RMST: variants seen among roughly 807,000 people sequenced by gnomAD.
The protein encoded by RMST is rhabdomyosarcoma 2 associated transcript.
At chr12:97,551,035 G>T (rs1214452337) in intron 11 of RMST, among the ~76,000 whole-genome samples, 1 of 152,004 alleles carries the variant, frequency 6.6e-6, no homozygotes, top group Non-Finnish European at 1.5e-5. Flanking sequence ...AAATTACTCA[G>T]ATTGGACCTT....
chr12:97,512,225 G>C (rs1388353145), intron 10 of RMST, among the ~76,000 whole-genome samples: 1 of 152,144 alleles, frequency 6.6e-6, no homozygotes, highest in Non-Finnish European at 1.5e-5. Flanking sequence ...CCTCCCGGTG[G>C]GTTCATGGTC....
intron 11 of RMST, among the ~76,000 whole-genome samples, chr12:97,535,510 G>A (rs1476791834): frequency 1.3e-5 from 2 of 151,558 alleles, no homozygotes; most frequent in African/African-American, 4.8e-5. Context: ...ATCCAGTGAG[G>A]TGAGCCTATG....
At chr12:97,538,727 G>A (rs1377789669) in intron 11 of RMST, among the ~76,000 whole-genome samples, 4 of 151,402 alleles carry the variant, frequency 2.6e-5, no homozygotes, top group Non-Finnish European at 4.4e-5. Context: ...TTAGGTTTAA[G>A]TGAGAATCAT....
intron 5 of RMST, among the ~76,000 whole-genome samples, chr12:97,484,280 T>G (rs1875814695): frequency 6.6e-6 from 1 of 152,170 alleles, no homozygotes; most frequent in African/African-American, 2.4e-5. Context: ...ATATGCAGAT[T>G]TATTTATTTC....
At chr12:97,559,822 A>G (rs902114623) in intron 11 of RMST, among the ~76,000 whole-genome samples, 1 of 152,236 alleles carries the variant, frequency 6.6e-6, no homozygotes, top group African/African-American at 2.4e-5. Flanking sequence ...ACAAGTAAAC[A>G]ACAAACACGA....
chr12:97,506,743 G>GCGCAAT (rs1293348120), intron 10 of RMST, among the ~76,000 whole-genome samples: 1 of 148,164 alleles, frequency 6.7e-6, no homozygotes, highest in Non-Finnish European at 1.5e-5. Flanking sequence ...GAGTGCAATG[G>GCGCAAT]CGCAATCTCC....
At chr12:97,515,931 T>G (rs1175117054) in intron 10 of RMST, among the ~76,000 whole-genome samples, 2 of 152,194 alleles carry the variant, frequency 1.3e-5, no homozygotes, top group East Asian at 3.9e-4. Flanking sequence ...GCTATTATTT[T>G]AAAATATTTT....
At chr12:97,564,746 C>G (rs1437639846) in exon 14 of RMST, 1 of 152,050 alleles carries the variant, frequency 6.6e-6, no homozygotes, top group Non-Finnish European at 1.5e-5. Flanking sequence ...AGATGTTAGT[C>G]TAAAACAGCA....
At chr12:97,499,657 C>CTTTTTTTTTTTTTT (rs540776298) in intron 10 of RMST, among the ~76,000 whole-genome samples, 1 of 131,912 alleles carries the variant, frequency 7.6e-6, no homozygotes, top group African/African-American at 3.0e-5. Context: ...TTTTTTCTTT[C>CTTTTTTTTTTTTTT]TTTTTTTTTT....
At chr12:97,539,852 T>C (rs964633830) in intron 11 of RMST, among the ~76,000 whole-genome samples, 2 of 151,586 alleles carry the variant, frequency 1.3e-5, no homozygotes, top group Admixed American at 1.3e-4. Flanking sequence ...AGAATAAATA[T>C]AGCTATCTTT....
intron 10 of RMST, among the ~76,000 whole-genome samples, chr12:97,527,057 C>T (rs1881185033): frequency 6.6e-6 from 1 of 152,100 alleles, no homozygotes; most frequent in Non-Finnish European, 1.5e-5. Flanking sequence ...TGACTCACGA[C>T]AGAGAAGGGA....
chr12:97,494,497 C>T (rs1345718750), intron 8 of RMST, among the ~76,000 whole-genome samples: 1 of 152,114 alleles, frequency 6.6e-6, no homozygotes, highest in Non-Finnish European at 1.5e-5. Flanking sequence ...CTGCAGTGAG[C>T]TATGATTGTG....
intron 11 of RMST, among the ~76,000 whole-genome samples, chr12:97,546,744 T>C (rs970010518): frequency 3.3e-5 from 5 of 152,112 alleles, no homozygotes; most frequent in African/African-American, 1.2e-4. Flanking sequence ...TGTCTATACA[T>C]GGGGAGTGGT....
chr12:97,520,929 A>T lies in RMST; in HGVS notation n.1341-9726A>T, dbSNP rs1303515414. Among the ~76,000 whole-genome samples, 6 of 152,370 alleles carry T rather than the reference A, an allele frequency of 3.9e-5. No individual in the cohort carries two copies. In the East Asian group the frequency reaches 1.2e-3, roughly 29 times the overall value. On this transcript the variant is annotated intron_variant and non_coding_transcript_variant, in intron 10 of 13. Transcript: ENST00000640149. Reference sequence around the variant, plus strand: ...ATAGGAGTGAGAAAGTCTGAGTTGCAGAGAAAATCAGTTAGAATCAGAACA... The same window carrying T: ...ATAGGAGTGAGAAAGTCTGAGTTGCTGAGAAAATCAGTTAGAATCAGAACA...
chr12:97,519,004 C>G (rs1880234112), intron 10 of RMST, among the ~76,000 whole-genome samples: 1 of 152,264 alleles, frequency 6.6e-6, no homozygotes, highest in East Asian at 1.9e-4. Flanking sequence ...TCTTGAGCTT[C>G]TGGCCTCAAG....
intron 10 of RMST, among the ~76,000 whole-genome samples, chr12:97,512,774 G>A (rs929758168): frequency 1.4e-4 from 21 of 152,242 alleles, no homozygotes; most frequent in Non-Finnish European, 2.6e-4. Context: ...CCAATCCCGC[G>A]CCCTGCGCCT....
At chr12:97,489,561 A>G (rs1876528484) in intron 5 of RMST, among the ~76,000 whole-genome samples, 1 of 152,172 alleles carries the variant, frequency 6.6e-6, no homozygotes, top group Non-Finnish European at 1.5e-5. Flanking sequence ...TATTTTCTCA[A>G]AAATAGGGGG....
At chr12:97,555,692 A>ACTGT (rs1592800793) in intron 11 of RMST, among the ~76,000 whole-genome samples, 2 of 152,206 alleles carry the variant, frequency 1.3e-5, no homozygotes, top group African/African-American at 4.8e-5. Flanking sequence ...TGCCTCCCAG[A>ACTGT]CTGTCTGTCT....
intron 10 of RMST, among the ~76,000 whole-genome samples, chr12:97,509,284 T>G (rs1310000216): frequency 6.6e-6 from 1 of 152,224 alleles, no homozygotes; most frequent in African/African-American, 2.4e-5. Context: ...ATGTCTTAAG[T>G]CAAACCTATA....
Sources: allele counts gnomAD v4.1 joint callset (sites outside exome capture counted in the v4.1 genomes callset), GRCh38; gene constraint gnomAD v4.1.1; transcripts MANE v1.5; gene names NCBI Gene and HGNC (gene_info 2026-07-23, HGNC 2026-07-21).